ZNF644: variants seen among roughly 807,000 people sequenced by gnomAD.
ZNF644 encodes the protein zinc finger motif enhancer binding protein 2.
Under a neutral mutation model 108.0 loss-of-function variants are expected in ZNF644, and 20 were observed. That is an observed-to-expected ratio of 0.19 (90% CI 0.13 to 0.27). The LOEUF is 0.27. Ranked by LOEUF, ZNF644 falls within the 10% of genes least tolerant of loss-of-function variation. ZNF644 has a pLI of 1.00. For missense variants in ZNF644, 1,338 were observed against 1,548.9 expected, an observed-to-expected ratio of 0.86 and a Z score of 2.29; for synonymous variants, 542 against 539.1, an observed-to-expected ratio of 1.01 and a Z score of -0.08.
At chr1:90,984,962 C>G (rs751314940) in intron 1 of ZNF644, among the ~76,000 whole-genome samples, 5 of 152,140 alleles carry the variant, frequency 3.3e-5, no homozygotes, top group Non-Finnish European at 5.9e-5. Context: ...GAACTGTACA[C>G]TTTAAAATGG....
rs772987373 is a variant in ZNF644, at chr1:90,933,680, TAAATGAAC to T, written c.3688+3797_3688+3804del. Among the ~76,000 whole-genome samples the T allele has an allele frequency of 5.0e-3, 388 of 78,376 alleles. 3 individuals are homozygous for T. Among genetic ancestry groups the T allele is most frequent in the Non-Finnish European group, 9.0e-3 (271 of 30,276 alleles). 51.4% of individuals were successfully genotyped at this position (78,376 alleles called of 152,430 possible). On this transcript the variant is annotated intron_variant, in intron 4 of 5. Coordinates refer to ENST00000337393, the MANE Select transcript of ZNF644 (RefSeq NM_201269.3). ...CTCCGTCTCAAAATAAATAAATAAA[TAAATGAAC>T]AAACCCACCTTCATTTTAGAATTTT... is the stretch of plus-strand genomic sequence containing the variant.
At chr1:90,975,889 T>A (rs1655962452) in intron 2 of ZNF644, among the ~76,000 whole-genome samples, 1 of 152,220 alleles carries the variant, frequency 6.6e-6, no homozygotes, top group Non-Finnish European at 1.5e-5. Flanking sequence ...AAGTGTAACA[T>A]TAGAATAATC....
chr1:90,920,542 T>C (rs771213858), intron 4 of ZNF644, among the ~76,000 whole-genome samples: 36 of 152,034 alleles, frequency 2.4e-4, no homozygotes, highest in Non-Finnish European at 4.3e-4. Flanking sequence ...TTTTCTTTAA[T>C]AGGGAAAAAA....
At chr1:90,942,294 G>GA (rs1438034602) in intron 2 of ZNF644, among the ~76,000 whole-genome samples, 1 of 152,044 alleles carries the variant, frequency 6.6e-6, no homozygotes, top group Non-Finnish European at 1.5e-5. Context: ...ATCATTATGA[G>GA]AAAAAAGTAC....
rs1419175684 is a variant in ZNF644 at position 90,940,525 on chromosome 1, C to G, written c.829G>C (p.Asp277His). Residue 277 changes from aspartate to histidine, a missense_variant, in exon 3 of 6, where the codon GAT becomes CAT. Transcript: ENST00000337393. ...ATTTTAGAATGAGGTGGAGCTTTAT[C>G]TACTGTTTCCTCATTAGTCATAAGA... ...QFLMTNEETV[D>H]KAPPHSKIGL... The G allele has an allele frequency of 1.2e-6, 2 of 1,613,668 alleles. No individual in the cohort carries two copies. The highest frequency in any genetic ancestry group is 4.5e-5 in the East Asian group (2 of 44,842).
chr1:90,944,656 T>C (rs1009656549), intron 2 of ZNF644, among the ~76,000 whole-genome samples: 4 of 151,998 alleles, frequency 2.6e-5, no homozygotes, highest in South Asian at 4.1e-4. Flanking sequence ...AAATCTATAC[T>C]GTCCATTTTC....
chr1:90,992,276 A>G (rs1657711087), intron 1 of ZNF644, among the ~76,000 whole-genome samples: 1 of 152,160 alleles, frequency 6.6e-6, no homozygotes, highest in Non-Finnish European at 1.5e-5. Flanking sequence ...TGATTTTTTA[A>G]TATGTCAATT....
intron 2 of ZNF644, among the ~76,000 whole-genome samples, chr1:90,966,210 G>A (rs1413944935): frequency 6.6e-6 from 1 of 152,020 alleles, no homozygotes; most frequent in East Asian, 1.9e-4. Flanking sequence ...GTTCTTCGTA[G>A]ACCATCCAAA....
intron 2 of ZNF644, among the ~76,000 whole-genome samples, chr1:90,947,390 C>T (rs1652629489): frequency 6.6e-6 from 1 of 152,104 alleles, no homozygotes; most frequent in African/African-American, 2.4e-5. Flanking sequence ...AATATTTTGA[C>T]CACATTTGTG....
At chr1:91,012,314 GAAA>G (rs35846572) in intron 1 of ZNF644, among the ~76,000 whole-genome samples, 6 of 132,084 alleles carry the variant, frequency 4.5e-5, no homozygotes, top group Non-Finnish European at 8.2e-5. Flanking sequence ...ACTACCGAAA[GAAA>G]AAAAAAAAAA....
At chr1:91,006,729 C>A (rs1659454785) in intron 1 of ZNF644, among the ~76,000 whole-genome samples, 1 of 152,082 alleles carries the variant, frequency 6.6e-6, no homozygotes, top group Admixed American at 6.6e-5. Context: ...ATCCTTGAAT[C>A]TCCCTTCATA....
intron 4 of ZNF644, 101 bp from the exon 5 acceptor site, chr1:90,918,255 T>G: frequency 1.0e-6 from 1 of 966,794 alleles, no homozygotes; most frequent in Middle Eastern, 2.3e-4. Context: ...CTAAATCAGT[T>G]AGAAAAAGTC....
intron 1 of ZNF644, among the ~76,000 whole-genome samples, chr1:90,983,407 A>G (rs1025820010): frequency 6.6e-6 from 1 of 151,154 alleles, no homozygotes; most frequent in Non-Finnish European, 1.5e-5. Flanking sequence ...ACTGAGTGGG[A>G]TAAGCTGAAC....
At chr1:90,996,192 T>C (rs74099897) in intron 1 of ZNF644, among the ~76,000 whole-genome samples, 1,933 of 152,164 alleles carry the variant, frequency 0.013, 39 homozygotes, top group African/African-American at 0.044. Context: ...ATTTGCCAAC[T>C]ATATACTTAA....
chr1:91,009,454 T>C (rs74934755), intron 1 of ZNF644, among the ~76,000 whole-genome samples: 239 of 152,304 alleles, frequency 1.6e-3, no homozygotes, highest in Non-Finnish European at 2.8e-3. Flanking sequence ...TTAAAAACTC[T>C]ACATTTTAAG....
chr1:90,928,211 G>C (rs1268167175), intron 4 of ZNF644, among the ~76,000 whole-genome samples: 1 of 147,844 alleles, frequency 6.8e-6, no homozygotes, highest in Non-Finnish European at 1.5e-5. Context: ...GGAGTGCAGT[G>C]GCGCAATCTT....
intron 1 of ZNF644, among the ~76,000 whole-genome samples, chr1:90,995,947 A>G (rs1164212369): frequency 6.6e-6 from 1 of 152,220 alleles, no homozygotes. Context: ...CAGAACTGTG[A>G]GAAATAAATT....
chr1:91,015,464 T>C (rs930325506), intron 1 of ZNF644, among the ~76,000 whole-genome samples: 1 of 152,212 alleles, frequency 6.6e-6, no homozygotes, highest in African/African-American at 2.4e-5. Context: ...CAAATACGCA[T>C]AGCCACTCAC....
At chr1:91,021,062 C>T (rs1660860405) in intron 1 of ZNF644, 1 of 152,182 alleles carries the variant, frequency 6.6e-6, no homozygotes. Context: ...AACAAGTAAC[C>T]TTTAGCTCCA....
Sources: gnomAD v4.1 joint callset for allele counts (sites outside exome capture counted in the v4.1 genomes callset) on GRCh38, gnomAD v4.1.1 for gene constraint, MANE v1.5 for transcripts, NCBI Gene and HGNC (gene_info 2026-07-23, HGNC 2026-07-21) for gene names.